Variants in MTMR10 observed in about 807,000 individuals in gnomAD.
The protein encoded by MTMR10 is myotubularin-related protein 10.
In MTMR10, 56 loss-of-function variants were observed where a neutral mutation model predicts 88.1. The observed-to-expected ratio is 0.64, with a 90% CI of 0.51 to 0.79. The LOEUF is 0.79. Among genes scored for constraint, MTMR10 ranks in the 30% least tolerant of loss-of-function variants. MTMR10 has a pLI of 0.00. For synonymous variants in MTMR10, 380 were observed against 340.9 expected, an observed-to-expected ratio of 1.11 and a Z score of -1.26; for missense variants, 883 against 924.7, an observed-to-expected ratio of 0.95 and a Z score of 0.58.
chr15:30,953,435 G>A, intron 11 of MTMR10, 127 bp downstream of exon 11: 1 of 690,390 alleles, frequency 1.4e-6, no homozygotes, highest in Non-Finnish European at 2.5e-6. Context: ...GTTACGAGAT[G>A]TTACTATTGG....
chr15:30,928,506 TTGTGTGTGTGTGTGTGTGTG>T, the MTMR10 span: 2 of 1,483,544 alleles, frequency 1.3e-6, no homozygotes, highest in East Asian at 2.5e-5. Flanking sequence ...AAAACAGATT[TTGTGTGTGTGTGTGTGTGTG>T]TGTGTGTGTG....
Position 30,941,370 on chromosome 15 carries a change from C to A in MTMR10, c.*100G>T, listed in dbSNP as rs2063046510. ...GTGCAAATTCCAACTATTATTCTTA[C>A]ATATAAAGTTATTAGAGATTCAAAC... is the stretch of plus-strand genomic sequence containing the variant. On this transcript the variant is annotated 3_prime_UTR_variant, in exon 16 of 16. Transcript: ENST00000435680. 1.3e-6 allele frequency: 2 copies of A among 1,536,170 alleles called. No homozygotes were observed.
At chr15:30,967,006 C>G (rs920178589) in intron 6 of MTMR10, among the ~76,000 whole-genome samples, 11 of 151,890 alleles carry the variant, frequency 7.2e-5, no homozygotes, top group African/African-American at 2.7e-4. Flanking sequence ...CTGGAATATA[C>G]TTTTATTATG....
At chr15:30,986,885 C>T (rs1056724166) in intron 2 of MTMR10, among the ~76,000 whole-genome samples, 1 of 152,226 alleles carries the variant, frequency 6.6e-6, no homozygotes, top group Non-Finnish European at 1.5e-5. Flanking sequence ...TACTCACATC[C>T]TCACCGAACC....
Position 30,961,092 on chromosome 15 carries a change from T to C in MTMR10, c.566-19A>G. On this transcript the variant is annotated intron_variant, in intron 6 of 15. Transcript: ENST00000435680. ...TTGTTTGCTGTAGGAAAAAGCAACA[T>C]TATGAATTTTAACAGTCACATTTTC... The C allele has an allele frequency of 2.0e-6, 3 of 1,536,134 alleles. No individual in the cohort carries two copies. The highest frequency in any genetic ancestry group is 2.6e-6 in the Non-Finnish European group (3 of 1,140,394).
chr15:30,962,615 A>G (rs1340990421), intron 6 of MTMR10, among the ~76,000 whole-genome samples: 1 of 152,136 alleles, frequency 6.6e-6, no homozygotes, highest in Non-Finnish European at 1.5e-5. Context: ...CGTCCCATGA[A>G]CATGTCATGC....
At position 30,948,377 on chromosome 15, in the gene MTMR10, CAG is replaced by C; in HGVS notation, c.1300_1301del (p.Leu434AspfsTer48). Reference sequence around the variant, plus strand: ...CTGCCATGACCCACTCCTTCTGTATCAGACTCTGAAATCCAGTAATTGTCCTA... The same window carrying C: ...CTGCCATGACCCACTCCTTCTGTATCACTCTGAAATCCAGTAATTGTCCTA... ...YFRTITGFQS[L>X]IQKEWVMAGY... On this transcript the variant is annotated frameshift_variant, in exon 13 of 16. Coordinates refer to ENST00000435680, the MANE Select transcript of MTMR10 (RefSeq NM_017762.3). LOFTEE classifies it high-confidence loss of function. 1 of 1,613,762 alleles carries C rather than the reference CAG, an allele frequency of 6.2e-7. No individual in the cohort carries two copies. The highest frequency in any genetic ancestry group is 8.5e-7 in the Non-Finnish European group (1 of 1,179,780).
chr15:30,969,264 GAAAAAAAAAACTGCTTCTT>G (rs1041326759), intron 5 of MTMR10, among the ~76,000 whole-genome samples: 26 of 147,948 alleles, frequency 1.8e-4, no homozygotes, highest in African/African-American at 5.9e-4. Flanking sequence ...TGACCAAAAA[GAAAAAAAAAACTGCTTCTT>G]GAAACTTACG....
At chr15:30,984,478 C>T (rs961496697) in intron 2 of MTMR10, among the ~76,000 whole-genome samples, 2 of 152,068 alleles carry the variant, frequency 1.3e-5, no homozygotes, top group African/African-American at 4.8e-5. Flanking sequence ...ATGAAGCCTA[C>T]CTACAAAAAG....
chr15:30,925,897 G>A, the MTMR10 span: 3 of 1,614,258 alleles, frequency 1.9e-6, no homozygotes, highest in Non-Finnish European at 2.5e-6. Flanking sequence ...CTCTGTGGAG[G>A]AGCTGGCACT....
In MTMR10 at chr15:30,948,287, T is replaced by C; in HGVS notation, c.1377+15A>G. 6.2e-7 allele frequency: 1 copy of C among 1,602,346 alleles called. No homozygotes were observed. The highest frequency in any genetic ancestry group is 8.5e-7 in the Non-Finnish European group (1 of 1,175,516). On this transcript the variant is annotated intron_variant, in intron 13 of 15. Transcript: ENST00000435680. ...ATCCTTAAAGACTGATAAAAAGGCA[T>C]CAAGATTTTGTTACCTCTTTCTCTG...
chr15:30,966,659 ACAGT>A (rs1337023724), intron 6 of MTMR10, among the ~76,000 whole-genome samples: 2 of 152,184 alleles, frequency 1.3e-5, no homozygotes, highest in African/African-American at 4.8e-5. Context: ...TTATTTTTAG[ACAGT>A]AAGTGAATTT....
downstream of MTMR10, among the ~76,000 whole-genome samples, chr15:30,934,488 G>T (rs1224425436): frequency 3.3e-5 from 5 of 151,992 alleles, no homozygotes. Flanking sequence ...TTTGTCCCTT[G>T]TCTTTTTCCT....
chr15:30,947,277 C>T lies in MTMR10; in HGVS notation c.1401G>A (p.Leu467=), dbSNP rs757105940. ...EKESPLFLLF[L]DATWQLLEQY... ...GTTCTAACAGCTGCCAGGTGGCATC[C>T]AAGAATAGCAAAAATAAAGGAGACT... Residue 467 remains leucine, a synonymous_variant, in exon 14 of 16, where the codon TTG becomes TTA. Coordinates refer to ENST00000435680, the MANE Select transcript of MTMR10 (RefSeq NM_017762.3). The T allele has an allele frequency of 6.2e-7, 1 of 1,612,816 alleles. No homozygotes were observed. The highest frequency in any genetic ancestry group is 8.5e-7 in the Non-Finnish European group (1 of 1,179,556).
Position 30,939,541 on chromosome 15 carries a change from G to C in MTMR10, c.*1929C>G. On this transcript the variant is annotated 3_prime_UTR_variant, in exon 16 of 16. Transcript: ENST00000435680. ...TAACAACTGTCCAGCAAAAATAAAA[G>C]TATTTTACATTTGATTATCATACAA... 7.2e-6 allele frequency: 7 copies of C among 971,796 alleles called. No homozygotes were observed. The highest frequency in any genetic ancestry group is 8.6e-6 in the Non-Finnish European group (7 of 817,776). 60.2% of individuals were successfully genotyped at this position (971,796 alleles called of 1,614,324 possible).
intron 9 of MTMR10, among the ~76,000 whole-genome samples, chr15:30,955,424 C>T (rs567751534): frequency 1.3e-5 from 2 of 152,190 alleles, no homozygotes; most frequent in South Asian, 2.1e-4. Context: ...GCACCCGCCA[C>T]CACACCTGGC....
rs1021054506 is a variant in MTMR10, at chr15:30,948,247, A to G, written c.1377+55T>C. 1.1e-5 allele frequency: 16 copies of G among 1,498,462 alleles called. No individual in the cohort carries two copies. The South Asian group carries it at 1.5e-4, about 14-fold the overall frequency. 92.8% of individuals were successfully genotyped at this position (1,498,462 alleles called of 1,614,324 possible). ...AGCCCCTTCATCTTTTAATGACACAAATTTTATTTTGTGTATCCTTAAAGA... is the reference window on the plus strand; with the variant it reads ...AGCCCCTTCATCTTTTAATGACACAGATTTTATTTTGTGTATCCTTAAAGA... On this transcript the variant is annotated intron_variant, in intron 13 of 15. Coordinates refer to ENST00000435680, the MANE Select transcript of MTMR10 (RefSeq NM_017762.3).
intron 2 of MTMR10, among the ~76,000 whole-genome samples, chr15:30,990,228 C>G (rs996705739): frequency 3.3e-5 from 5 of 152,154 alleles, no homozygotes; most frequent in African/African-American, 1.2e-4. Context: ...CTACTGGCAT[C>G]TAGTGGGTGG....
chr15:30,991,309 CG>C (rs1272984069), intron 1 of MTMR10, 137 bp downstream of exon 1: 10 of 891,906 alleles, frequency 1.1e-5, no homozygotes, highest in Non-Finnish European at 1.6e-5. Context: ...TTCGCGGCGC[CG>C]GGAATCAGGC....
Sources: gnomAD v4.1 joint callset for allele counts (sites outside exome capture counted in the v4.1 genomes callset) on GRCh38, gnomAD v4.1.1 for gene constraint, MANE v1.5 for transcripts, NCBI Gene and HGNC (gene_info 2026-07-23, HGNC 2026-07-21) for gene names.